Variants in ABI1 observed in about 807,000 individuals in gnomAD.
ABI1 encodes abl interactor 1, also known as Abelson interactor 1.
In ABI1, 14 loss-of-function variants were observed where a neutral mutation model predicts 54.6. That is an observed-to-expected ratio of 0.26 (90% CI 0.17 to 0.40). ABI1 has a LOEUF of 0.40. Among genes scored for constraint, ABI1 ranks in the 10% least tolerant of loss-of-function variants. The pLI, the probability that ABI1 is intolerant of heterozygous loss-of-function variation, is 1.00. For missense variants in ABI1, 443 were observed against 598.3 expected (o/e 0.74, Z 2.71); for synonymous variants, 194 against 209.3 (o/e 0.93, Z 0.63).
chr10:26,761,929 C>T (rs1329441510), intron 7 of ABI1, among the ~76,000 whole-genome samples: 3 of 151,976 alleles, frequency 2.0e-5, no homozygotes, highest in East Asian at 1.9e-4. Context: ...ACTACTGCTA[C>T]GAACATTCCT....
chr10:26,763,886 C>T, intron 7 of ABI1: 1 of 1,612,426 alleles, frequency 6.2e-7, no homozygotes, highest in South Asian at 1.1e-5. Context: ...TCACCTATCA[C>T]AGTGCTCACT....
chr10:26,802,143 A>C (rs2046604876), intron 2 of ABI1, among the ~76,000 whole-genome samples: 1 of 152,194 alleles, frequency 6.6e-6, no homozygotes, highest in South Asian at 2.1e-4. Flanking sequence ...AACATGGGAG[A>C]GAACATTTGT....
chr10:26,764,004 A>G, intron 7 of ABI1: 2 of 1,479,202 alleles, frequency 1.4e-6, no homozygotes, highest in Non-Finnish European at 1.9e-6. Flanking sequence ...CAAGAAAAGA[A>G]AACTCAACAT....
In ABI1 at chr10:26,755,708, T is replaced by G; in HGVS notation, c.1031A>C (p.Gln344Pro). The change falls in exon 9 of 11, where the codon CAG becomes CCG. Residue 344 changes from glutamine (Q) to proline (P), a missense_variant. This residue lies in a region of ABI1 where 394 missense variants were observed against 484.8 expected (regional missense o/e 0.81). Coordinates refer to ENST00000376140, the MANE Select transcript of ABI1 (RefSeq NM_001012750.3). ...TGTGAGAGGTATCTGTGGAGTCAAC[T>G]GAGGCATAGGGGGAGGGGGTGGAGC... ...SIAPPPPPMP[Q>P]LTPQIPLTGF... 1.2e-6 allele frequency: 2 copies of G among 1,613,476 alleles called. No individual in the cohort carries two copies. Among genetic ancestry groups the G allele is most frequent in the South Asian group, 2.2e-5 (2 of 91,054 alleles).
At chr10:26,846,516 T>C (rs1344762009) in intron 1 of ABI1, among the ~76,000 whole-genome samples, 2 of 152,110 alleles carry the variant, frequency 1.3e-5, no homozygotes, top group Non-Finnish European at 1.5e-5. Context: ...CTAATGTTTG[T>C]ATTTTTAGTA....
chr10:26,774,775 A>G (rs1285152562), intron 3 of ABI1, among the ~76,000 whole-genome samples: 1 of 152,076 alleles, frequency 6.6e-6, no homozygotes, highest in Non-Finnish European at 1.5e-5. Context: ...GAGTATGGCA[A>G]TCGTAAGCAT....
chr10:26,784,365 C>G (rs1413822519), intron 2 of ABI1, among the ~76,000 whole-genome samples: 1 of 152,166 alleles, frequency 6.6e-6, no homozygotes, highest in African/African-American at 2.4e-5. Flanking sequence ...GTTGGTGGCA[C>G]AGATAATAAA....
intron 2 of ABI1, among the ~76,000 whole-genome samples, chr10:26,785,367 C>T (rs887253715): frequency 6.6e-6 from 1 of 152,158 alleles, no homozygotes; most frequent in Non-Finnish European, 1.5e-5. Context: ...CTTGAGGGAT[C>T]AAGAAACAGT....
chr10:26,777,794 G>GT (rs1359785702), intron 2 of ABI1, among the ~76,000 whole-genome samples: 2 of 152,016 alleles, frequency 1.3e-5, no homozygotes, highest in African/African-American at 4.8e-5. Flanking sequence ...GAGAGATTTG[G>GT]TATGTGTAGA....
chr10:26,770,416 A>C (rs1385751905), intron 4 of ABI1, 71 bp from the exon 5 acceptor site: 2 of 1,347,542 alleles, frequency 1.5e-6, no homozygotes, highest in East Asian at 2.3e-5. Flanking sequence ...ACCATGTATT[A>C]TTTTTTTTAA....
chr10:26,845,908 C>A (rs1412394496), intron 1 of ABI1, among the ~76,000 whole-genome samples: 1 of 151,322 alleles, frequency 6.6e-6, no homozygotes, highest in Non-Finnish European at 1.5e-5. Context: ...TTTGGGAGGC[C>A]GAGGCAGGCA....
At chr10:26,765,827 C>G (rs375557301) in intron 6 of ABI1, among the ~76,000 whole-genome samples, 19 of 152,138 alleles carry the variant, frequency 1.2e-4, no homozygotes, top group Non-Finnish European at 2.6e-4. Flanking sequence ...CTCTACTTCT[C>G]AACCTATCTG....
In ABI1 at chr10:26,746,995, AAGGT is replaced by A. The variant is rs1207023736; in HGVS notation, c.*1571_*1574del. On this transcript the variant is annotated 3_prime_UTR_variant, in exon 11 of 11. Transcript: ENST00000376140. ...AATCCACTTGAAAAATGGAAAGTAG[AAGGT>A]AGCTAGCTGATCACTAATGATACTT... 4.4e-6 allele frequency: 1 copy of A among 229,718 alleles called. No homozygotes were observed. The highest frequency in any genetic ancestry group is 2.3e-5 in the African/African-American group (1 of 44,432). 14.2% of individuals were successfully genotyped at this position (229,718 alleles called of 1,614,324 possible).
At chr10:26,762,628 T>C (rs1199553134) in intron 7 of ABI1, among the ~76,000 whole-genome samples, 2 of 152,176 alleles carry the variant, frequency 1.3e-5, no homozygotes, top group African/African-American at 4.8e-5. Context: ...ACACATTTCA[T>C]TAGGAGTCAA....
chr10:26,839,472 G>A (rs1398468073), intron 1 of ABI1, among the ~76,000 whole-genome samples: 1 of 152,028 alleles, frequency 6.6e-6, no homozygotes, highest in African/African-American at 2.4e-5. Context: ...CTCCAGCCTG[G>A]GCGACAGAGC....
chr10:26,844,360 C>T (rs1320520670), intron 1 of ABI1, among the ~76,000 whole-genome samples: 1 of 152,162 alleles, frequency 6.6e-6, no homozygotes. Flanking sequence ...CATTTTCAAC[C>T]CACGTCATAT....
chr10:26,753,156 T>C lies in ABI1; in HGVS notation c.1085-1373A>G, dbSNP rs1313514461. On this transcript the variant is annotated intron_variant, in intron 9 of 10. Coordinates refer to ENST00000376140, the MANE Select transcript of ABI1 (RefSeq NM_001012750.3). ...ACCACTTCAATGCTGTGATTTCTAT[T>C]TTATCCTCTCGAGGGATGAAAGGGC... Among the ~76,000 whole-genome samples, 5 of 152,162 alleles carry C rather than the reference T, an allele frequency of 3.3e-5. No individual in the cohort carries two copies. The East Asian group carries it at 9.6e-4, about 29-fold the overall frequency.
At chr10:26,772,747 T>C (rs1360162449) in intron 3 of ABI1, among the ~76,000 whole-genome samples, 1 of 152,058 alleles carries the variant, frequency 6.6e-6, no homozygotes, top group Non-Finnish European at 1.5e-5. Flanking sequence ...CCCCAAAATA[T>C]ATCCAAAATG....
Position 26,816,986 on chromosome 10 carries a change from T to TTGTGTGTGTGTGTG in ABI1, c.285+6138_285+6151dup, listed in dbSNP as rs71403891. 1.9e-3 allele frequency among the ~76,000 whole-genome samples: 277 copies of TTGTGTGTGTGTGTG among 143,862 alleles called. 3 individuals carry two copies. Among genetic ancestry groups the TTGTGTGTGTGTGTG allele is most frequent in the South Asian group, 0.017 (76 of 4,394 alleles). 94.4% of individuals were successfully genotyped at this position (143,862 alleles called of 152,430 possible). On this transcript the variant is annotated intron_variant, in intron 2 of 10. Transcript: ENST00000376140. ...TTTCCTAAGTAATTTTGCAAAGACT[T>TTGTGTGTGTGTGTG]TGTGTGTGTGTGTGTGTGTGTGTGT...
Sources: allele counts gnomAD v4.1 joint callset (sites outside exome capture counted in the v4.1 genomes callset), GRCh38; gene constraint gnomAD v4.1.1; regional missense constraint gnomAD v4.1.1; transcripts MANE v1.5; gene names NCBI Gene and HGNC (gene_info 2026-07-23, HGNC 2026-07-21).